FLACC1: variants seen among roughly 807,000 people sequenced by gnomAD.
FLACC1 encodes the protein flagellum associated containing coiled-coil domains 1, also known as flagellum-associated coiled-coil domain-containing protein 1.
A neutral mutation model predicts 62.8 loss-of-function variants in FLACC1; 66 were observed. That is an observed-to-expected ratio of 1.05 (90% confidence interval 0.86 to 1.29). FLACC1 has a LOEUF of 1.29. FLACC1 is among the 50% of genes most tolerant of loss of function. The pLI, the probability that FLACC1 is intolerant of heterozygous loss-of-function variation, is 0.00. For synonymous variants in FLACC1, 156 were observed against 161.0 expected, an observed-to-expected ratio of 0.97 and a Z score of 0.24; for missense variants, 452 against 489.1, an observed-to-expected ratio of 0.92 and a Z score of 0.71.
At position 201,346,635 on chromosome 2, in the gene FLACC1, T is replaced by C. The variant is rs1457361177; in HGVS notation, c.275A>G (p.Asn92Ser). 1.9e-6 allele frequency: 3 copies of C among 1,614,256 alleles called. No individual in the cohort carries two copies. In the South Asian group the frequency reaches 3.3e-5, roughly 18 times the overall value. ...TAAGGTGACAGAAATCTGTTCCCGA[T>C]TCCGAACAAGTTGATAGCCAGGTGA... The part of the protein sequence containing the change: ...NVSPGYQLVR[N>S]REQISVTLGD... Residue 92 changes from asparagine to serine, a missense_variant, in exon 5 of 15, where the codon AAT (asparagine) becomes AGT (serine). By Grantham distance (46) the Asn-to-Ser change is conservative. This residue lies in a region of FLACC1 where 147 missense variants were observed against 152.7 expected (regional missense o/e 0.96). Coordinates refer to ENST00000392257, the MANE Select transcript of FLACC1 (RefSeq NM_001127391.3). This position sits in a 1 kb window ranked among gnomAD's most constrained non-coding sequence, Gnocchi z 4.0.
At chr2:201,338,631 A>G (rs542720454) in intron 7 of FLACC1, among the ~76,000 whole-genome samples, 21 of 152,148 alleles carry the variant, frequency 1.4e-4, no homozygotes, top group Non-Finnish European at 3.1e-4. Flanking sequence ...AATGTTGACT[A>G]TTATGAAATG....
At chr2:201,293,909 C>G (rs6731809) in intron 12 of FLACC1, among the ~76,000 whole-genome samples, 30,786 of 152,016 alleles carry the variant, frequency 0.2, 3,368 homozygotes, top group South Asian at 0.3. Context: ...TGCAAATAAA[C>G]TAGAAAATCT....
intron 3 of FLACC1, among the ~76,000 whole-genome samples, chr2:201,349,922 G>A (rs929262571): frequency 4.6e-5 from 7 of 152,204 alleles, no homozygotes; most frequent in African/African-American, 1.4e-4. Flanking sequence ...TTTGGAAGCT[G>A]TGGATGCAGA....
chr2:201,324,770 C>G (rs1487615302), intron 9 of FLACC1, among the ~76,000 whole-genome samples: 2 of 152,078 alleles, frequency 1.3e-5, no homozygotes, highest in East Asian at 1.9e-4. Flanking sequence ...CTGGGGTAAA[C>G]AGTGAAATCA....
At chr2:201,301,270 A>T (rs957087618) in intron 11 of FLACC1, among the ~76,000 whole-genome samples, 3 of 152,236 alleles carry the variant, frequency 2.0e-5, no homozygotes, top group Non-Finnish European at 2.9e-5. Flanking sequence ...TGGCACAAGA[A>T]CTATGTGATG....
At position 201,329,306 on chromosome 2, in the gene FLACC1, G is replaced by A. The variant is rs1950548882; in HGVS notation, c.675+1164C>T. Reference sequence around the variant, plus strand: ...AAGCCAAAAAACAACAGATGCTGGTGAGGTTGGAGGAAAAAGGGAATGCTT... The same window carrying A: ...AAGCCAAAAAACAACAGATGCTGGTAAGGTTGGAGGAAAAAGGGAATGCTT... On this transcript the variant is annotated intron_variant, in intron 9 of 14. Transcript: ENST00000392257. 2.0e-5 allele frequency among the ~76,000 whole-genome samples: 3 copies of A among 152,174 alleles called. No homozygotes were observed. In the South Asian group the frequency reaches 6.2e-4, roughly 31 times the overall value.
intron 1 of FLACC1, among the ~76,000 whole-genome samples, chr2:201,355,911 C>T (rs562478155): frequency 6.8e-4 from 104 of 152,138 alleles, no homozygotes; most frequent in African/African-American, 2.5e-3. Context: ...TCTTTGAACA[C>T]CCATGGGAGT....
At chr2:201,300,873 G>T (rs1949966816) in intron 11 of FLACC1, among the ~76,000 whole-genome samples, 2 of 152,318 alleles carry the variant, frequency 1.3e-5, no homozygotes, top group South Asian at 4.1e-4. Context: ...CTGACTGTTA[G>T]AAGGAAAACT....
intron 2 of FLACC1, among the ~76,000 whole-genome samples, chr2:201,351,018 C>T (rs1034898245): frequency 6.6e-6 from 1 of 152,188 alleles, no homozygotes; most frequent in African/African-American, 2.4e-5. Context: ...CACATGAAGG[C>T]GGCAGCTGCC....
rs776879327 is a variant in FLACC1, at chr2:201,346,106, A to G, written c.368+436T>C. Among the ~76,000 whole-genome samples the G allele has an allele frequency of 3.9e-5, 6 of 152,270 alleles. No homozygotes were observed. The highest frequency in any genetic ancestry group is 5.9e-5 in the Non-Finnish European group (4 of 68,018). Reference sequence around the variant, plus strand: ...CTTAAACCTGGGAGGCAGAAGTTGCAGTGAGCTGAGATCGTGCCACTAAAC... The same window carrying G: ...CTTAAACCTGGGAGGCAGAAGTTGCGGTGAGCTGAGATCGTGCCACTAAAC... On this transcript the variant is annotated intron_variant, in intron 5 of 14. Coordinates refer to ENST00000392257, the MANE Select transcript of FLACC1 (RefSeq NM_001127391.3). The surrounding 1 kb of genome is among the most constrained non-coding windows in gnomAD (Gnocchi z 4.0).
chr2:201,302,867 G>A (rs888485527), intron 11 of FLACC1, among the ~76,000 whole-genome samples: 3 of 152,202 alleles, frequency 2.0e-5, no homozygotes, highest in African/African-American at 4.8e-5. Flanking sequence ...AAATAAAGAT[G>A]TTCTTCGAAA....
intron 7 of FLACC1, among the ~76,000 whole-genome samples, chr2:201,339,452 A>C (rs1201166489): frequency 1.3e-5 from 2 of 151,362 alleles, no homozygotes; most frequent in Non-Finnish European, 2.9e-5. Context: ...TCTTCTACTA[A>C]TTTTGGGCTT....
intron 12 of FLACC1, among the ~76,000 whole-genome samples, chr2:201,296,233 C>T (rs1284522907): frequency 3.3e-5 from 5 of 151,968 alleles, no homozygotes; most frequent in Non-Finnish European, 7.4e-5. Flanking sequence ...TGCGGCACTA[C>T]TCACAATAGC....
At position 201,295,060 on chromosome 2, in the gene FLACC1, T is replaced by C. The variant is rs563006375; in HGVS notation, c.942+4178A>G. ...ATTCCATGCTCATGGATAGGAAGAA[T>C]CAACATCGTGAAAATGGCCATAATG... On this transcript the variant is annotated intron_variant, in intron 12 of 14. Transcript: ENST00000392257. 4.6e-5 allele frequency among the ~76,000 whole-genome samples: 7 copies of C among 152,222 alleles called. No individual in the cohort carries two copies. The East Asian group carries it at 1.4e-3, about 29-fold the overall frequency.
intron 12 of FLACC1, among the ~76,000 whole-genome samples, chr2:201,294,780 C>A (rs1483933416): frequency 1.3e-5 from 2 of 152,204 alleles, no homozygotes. Flanking sequence ...ACCCCATCAT[C>A]TCTGCCCAAA....
intron 7 of FLACC1, among the ~76,000 whole-genome samples, chr2:201,336,478 TGTGTCTTTTTG>T (rs1950698611): frequency 6.6e-6 from 1 of 152,210 alleles, no homozygotes; most frequent in South Asian, 2.1e-4. Context: ...AACGTATGCA[TGTGTCTTTTTG>T]GTAGAATGAT....
At chr2:201,289,413 T>G in intron 14 of FLACC1, 44 bp downstream of exon 14, 1 of 1,578,212 alleles carries the variant, frequency 6.3e-7, no homozygotes, top group Non-Finnish European at 8.7e-7. Context: ...TCCTTCCCAC[T>G]CCTAAAGAGA....
intron 11 of FLACC1, among the ~76,000 whole-genome samples, chr2:201,303,034 G>A (rs1186050150): frequency 6.7e-6 from 1 of 149,946 alleles, no homozygotes; most frequent in Admixed American, 6.7e-5. Context: ...GACAAGCAAG[G>A]GCAAACACAT....
intron 11 of FLACC1, among the ~76,000 whole-genome samples, chr2:201,305,945 GA>G (rs1950095346): frequency 7.0e-6 from 1 of 142,980 alleles, no homozygotes; most frequent in African/African-American, 2.6e-5. Context: ...GGGGTGGGGG[GA>G]GGGGGGAAGG....
Sources: allele counts gnomAD v4.1 joint callset (sites outside exome capture counted in the v4.1 genomes callset), GRCh38; gene constraint gnomAD v4.1.1; regional missense constraint gnomAD v4.1.1; non-coding constraint Gnocchi (gnomAD v3.1); transcripts MANE v1.5; gene names NCBI Gene and HGNC (gene_info 2026-07-23, HGNC 2026-07-21).